Variants in SCML4 observed in about 807,000 individuals in gnomAD.
The protein encoded by SCML4 is sex comb on midleg-like protein 4.
A neutral mutation model predicts 41.1 loss-of-function variants in SCML4; 34 were observed. The ratio of observed to expected loss-of-function variants is 0.83; its 90% CI spans 0.63 to 1.10. The LOEUF is 1.10. SCML4 is among the 50% of genes least tolerant of loss of function. SCML4 has a pLI of 0.00. For missense variants in SCML4, 522 were observed against 534.1 expected (o/e 0.98, Z 0.22); for synonymous variants, 214 against 220.9 (o/e 0.97, Z 0.28).
At chr6:107,770,395 T>G (rs1265913636) in intron 2 of SCML4, among the ~76,000 whole-genome samples, 4 of 152,172 alleles carry the variant, frequency 2.6e-5, no homozygotes, top group Non-Finnish European at 5.9e-5. Flanking sequence ...GGTGGGAACT[T>G]CACACAGAAT....
chr6:107,796,888 G>A (rs1383428929), intron 1 of SCML4, among the ~76,000 whole-genome samples: 5 of 151,988 alleles, frequency 3.3e-5, no homozygotes, highest in African/African-American at 4.8e-5. Context: ...CACTCTTTCC[G>A]CATATGGATA....
intron 6 of SCML4, among the ~76,000 whole-genome samples, chr6:107,717,317 G>A (rs966443989): frequency 5.4e-5 from 8 of 148,650 alleles, no homozygotes; most frequent in South Asian, 4.2e-4. Context: ...AGGAATCTTC[G>A]GAGAATTAAA....
At chr6:107,803,453 C>T (rs1783440500) in intron 1 of SCML4, among the ~76,000 whole-genome samples, 1 of 149,736 alleles carries the variant, frequency 6.7e-6, no homozygotes, top group Admixed American at 6.6e-5. Context: ...GCCCGGCCAG[C>T]CGCCCGGTCC....
chr6:107,720,216 T>G lies in SCML4; in HGVS notation c.973+487A>C, dbSNP rs149575318. 798 of 754,740 alleles carry G rather than the reference T, an allele frequency of 1.1e-3. 2 individuals carry two copies. Among genetic ancestry groups the G allele is most frequent in the African/African-American group, 9.9e-3 (521 of 52,394 alleles). 46.8% of individuals were successfully genotyped at this position (754,740 alleles called of 1,614,324 possible). ...GTTAAGTGTGGCAAAATGACCAGCT[T>G]TTGCCAATGAGATGTGAGTGGAAGT... On this transcript the variant is annotated intron_variant, in intron 6 of 7. Coordinates refer to ENST00000369020, the MANE Select transcript of SCML4 (RefSeq NM_198081.5).
chr6:107,763,444 T>A (rs1324457196), intron 2 of SCML4, among the ~76,000 whole-genome samples: 1 of 151,360 alleles, frequency 6.6e-6, no homozygotes, highest in Admixed American at 6.6e-5. Context: ...TGGAGTGCAG[T>A]GGCACCATCC....
At chr6:107,843,058 A>G in the SCML4 span, among the ~76,000 whole-genome samples, 2 of 152,174 alleles carry the variant, frequency 1.3e-5, no homozygotes, top group East Asian at 1.9e-4. Context: ...GACAATATCA[A>G]ATCGCCTAAT....
intron 1 of SCML4, among the ~76,000 whole-genome samples, chr6:107,811,220 G>C (rs187098626): frequency 9.8e-5 from 15 of 152,294 alleles, no homozygotes; most frequent in Admixed American, 5.2e-4. Flanking sequence ...CAGTCTGCAG[G>C]ATTTTGTTAT....
chr6:107,741,609 T>C (rs917657475), intron 5 of SCML4, among the ~76,000 whole-genome samples: 1 of 152,194 alleles, frequency 6.6e-6, no homozygotes, highest in Admixed American at 6.5e-5. Context: ...ACACTGTAGG[T>C]TTGTCCCACA....
intron 1 of SCML4, among the ~76,000 whole-genome samples, chr6:107,812,835 C>A (rs916466938): frequency 2.0e-5 from 3 of 150,842 alleles, no homozygotes; most frequent in African/African-American, 7.3e-5. Flanking sequence ...CCTCCATAAT[C>A]ATTTGACCAA....
intron 1 of SCML4, among the ~76,000 whole-genome samples, chr6:107,796,771 C>T (rs1583609187): frequency 1.3e-5 from 2 of 152,174 alleles, no homozygotes; most frequent in East Asian, 1.9e-4. Context: ...TGTTGTTGTA[C>T]TTATCACATT....
intron 5 of SCML4, among the ~76,000 whole-genome samples, chr6:107,731,517 G>T (rs1222232617): frequency 6.6e-6 from 1 of 152,158 alleles, no homozygotes. Flanking sequence ...AGTCTTCCCA[G>T]TTGAGGGAGC....
At chr6:107,786,861 G>A (rs1395202187) in intron 1 of SCML4, among the ~76,000 whole-genome samples, 2 of 152,208 alleles carry the variant, frequency 1.3e-5, no homozygotes, top group Non-Finnish European at 2.9e-5. Flanking sequence ...GCAATAAGAC[G>A]CAGAGCATCC....
chr6:107,741,111 C>T (rs1282456217), intron 5 of SCML4, among the ~76,000 whole-genome samples: 3 of 152,116 alleles, frequency 2.0e-5, no homozygotes, highest in African/African-American at 7.2e-5. Flanking sequence ...AAGTTCCAAA[C>T]TGGTGGCATA....
chr6:107,704,046 T>G lies in SCML4; in HGVS notation c.*1154A>C, dbSNP rs1045629093. On this transcript the variant is annotated 3_prime_UTR_variant, in exon 8 of 8. Coordinates refer to ENST00000369020, the MANE Select transcript of SCML4 (RefSeq NM_198081.5). ...GCTGCAAAGGAGCAGAAAATCAATT[T>G]TTTCTATTACTCCACTGTGAGGAAG... is the stretch of plus-strand genomic sequence containing the variant. 4.6e-5 allele frequency: 7 copies of G among 152,216 alleles called. No homozygotes were observed. The East Asian group carries it at 1.3e-3, about 29-fold the overall frequency. 9.4% of individuals were successfully genotyped at this position (152,216 alleles called of 1,614,324 possible).
intron 3 of SCML4, among the ~76,000 whole-genome samples, chr6:107,747,353 T>G (rs747750185): frequency 9.9e-5 from 15 of 152,132 alleles, no homozygotes; most frequent in Non-Finnish European, 2.2e-4. Context: ...AGACTATATA[T>G]TCAACAAAGC....
chr6:107,778,088 T>A (rs1043308271), intron 1 of SCML4, among the ~76,000 whole-genome samples: 1 of 149,278 alleles, frequency 6.7e-6, no homozygotes, highest in Admixed American at 6.7e-5. Context: ...TGATAGCATA[T>A]GCCTGTAGTC....
intron 5 of SCML4, among the ~76,000 whole-genome samples, chr6:107,737,067 A>G (rs971410953): frequency 6.6e-6 from 1 of 152,196 alleles, no homozygotes; most frequent in African/African-American, 2.4e-5. Flanking sequence ...TGAGCAGACA[A>G]TTTGTTCTGT....
chr6:107,771,388 T>G (rs1780505879), intron 2 of SCML4, among the ~76,000 whole-genome samples: 1 of 151,848 alleles, frequency 6.6e-6, no homozygotes, highest in African/African-American at 2.4e-5. Flanking sequence ...AAGCTCATTT[T>G]CTAATGCCCG....
intron 2 of SCML4, among the ~76,000 whole-genome samples, chr6:107,751,070 T>C (rs908204099): frequency 6.6e-5 from 10 of 152,216 alleles, no homozygotes; most frequent in African/African-American, 2.4e-4. Flanking sequence ...CTCTTCCAGC[T>C]GCTACGGAAA....
Sources: allele counts gnomAD v4.1 joint callset (sites outside exome capture counted in the v4.1 genomes callset), GRCh38; gene constraint gnomAD v4.1.1; transcripts MANE v1.5; gene names NCBI Gene and HGNC (gene_info 2026-07-23, HGNC 2026-07-21).